Variants in CLEC14A observed in about 807,000 individuals in gnomAD.
CLEC14A encodes C-type lectin domain family 14 member A.
For synonymous variants in CLEC14A, 349 were observed against 292.0 expected, an observed-to-expected ratio of 1.20 and a Z score of -1.99; for missense variants, 682 against 659.9, an observed-to-expected ratio of 1.03 and a Z score of -0.37.
At position 38,255,024 on chromosome 14, in the gene CLEC14A, G is replaced by A. The variant is rs375930905; in HGVS notation, c.999C>T (p.Val333=). ...VDEKLGETPL[V]PEQDNSVTSI... is the part of the protein sequence containing the mutation. ...ATGTTACTGAATTGTCTTGTTCAGG[G>A]ACAAGTGGTGTCTCTCCCAGCTTCT... The change falls in exon 1 of 1, where the codon GTC becomes GTT. Residue 333 remains valine, a synonymous_variant. Coordinates refer to ENST00000342213, the MANE Select transcript of CLEC14A (RefSeq NM_175060.3). The surrounding 1 kb of genome is among the most constrained non-coding windows in gnomAD (Gnocchi z 5.1). 9 of 1,613,692 alleles carry A rather than the reference G, an allele frequency of 5.6e-6. No homozygotes were observed. In the African/African-American group the frequency reaches 1.2e-4, roughly 22 times the overall value.
chr14:38,256,087 T>C lies in CLEC14A; in HGVS notation c.-65A>G, dbSNP rs1216250771. On this transcript the variant is annotated 5_prime_UTR_variant, in exon 1 of 1. Transcript: ENST00000342213. ...TCTGTCCCGCTCGAGGACGCAGAGCTGTGTCTGGAGCGCGGTCACCGCCCT... is the reference window on the plus strand; with the variant it reads ...TCTGTCCCGCTCGAGGACGCAGAGCCGTGTCTGGAGCGCGGTCACCGCCCT... 8 of 1,415,452 alleles carry C rather than the reference T, an allele frequency of 5.7e-6. No homozygotes were observed. The Admixed American group carries it at 2.4e-4, about 43-fold the overall frequency. The allele number at this position is 1,415,452 out of a possible 1,614,324, so 87.7% of individuals were successfully genotyped here. A position where few individuals can be genotyped will look rare whatever the true frequency, so the allele number is the denominator to read the frequency against.
chr14:38,255,659 C>G lies in CLEC14A; in HGVS notation c.364G>C (p.Gly122Arg). 1 of 1,603,260 alleles carries G rather than the reference C, an allele frequency of 6.2e-7. No homozygotes were observed. The highest frequency in any genetic ancestry group is 1.3e-5 in the African/African-American group (1 of 74,950). The change falls in exon 1 of 1, where the codon GGT (glycine) becomes CGT (arginine). Residue 122 changes from glycine to arginine, a missense_variant. Gly to Arg is a moderately radical substitution (Grantham distance 125). Transcript: ENST00000342213. This position sits in a 1 kb window ranked among gnomAD's most constrained non-coding sequence, Gnocchi z 5.1. ...CACTGCAGCGTGTCGCTTTCGAGAC[C>G]GCCGGGGTCGGAGGACAGCCAGGAG... is the stretch of plus-strand genomic sequence containing the variant. ...GFSWLSSDPG[G>R]LESDTLQWVE...
In CLEC14A at chr14:38,254,713, G is replaced by C; in HGVS notation, c.1310C>G (p.Ser437Cys). 1 of 1,614,164 alleles carries C rather than the reference G, an allele frequency of 6.2e-7. No homozygotes were observed. The stretch of plus-strand genomic sequence containing the variant: ...ACTCTCCAGGCCCGGCGGGCCCATA[G>C]ACTCCTTCCTTGGCTGGGAAGAGGG... The part of the protein sequence containing the change: ...ESPSSQPRKE[S>C]MGPPGLESDP... Residue 437 changes from serine (S) to cysteine (C), a missense_variant, in exon 1 of 1, where the codon TCT becomes TGT. Transcript: ENST00000342213.
chr14:38,254,622 C>T lies in CLEC14A; in HGVS notation c.1401G>A (p.Gly467=). 1 of 1,614,102 alleles carries T rather than the reference C, an allele frequency of 6.2e-7. No individual in the cohort carries two copies. Among genetic ancestry groups the T allele is most frequent in the Non-Finnish European group, 8.5e-7 (1 of 1,179,980 alleles). ...CTGCTCTGTCCCGCAGATCACAGTC[C>T]CCGACTTTCACCCCATTGTTTGTGC... ...AHCTNNGVKV[G]DCDLRDRAEG... Residue 467 remains glycine (G), a synonymous_variant, in exon 1 of 1, where the codon GGG becomes GGA. Coordinates refer to ENST00000342213, the MANE Select transcript of CLEC14A (RefSeq NM_175060.3).
chr14:38,255,798 C>A lies in CLEC14A; in HGVS notation c.225G>T (p.Ala75=). 1.3e-6 allele frequency: 2 copies of A among 1,541,076 alleles called. No individual in the cohort carries two copies. Among genetic ancestry groups the A allele is most frequent in the Non-Finnish European group, 1.7e-6 (2 of 1,147,956 alleles). Residue 75 remains alanine (A), a synonymous_variant, in exon 1 of 1, where the codon GCG becomes GCT. Coordinates refer to ENST00000342213, the MANE Select transcript of CLEC14A (RefSeq NM_175060.3). The surrounding 1 kb of genome is among the most constrained non-coding windows in gnomAD (Gnocchi z 5.1). ...CGGGCCCTGGGCCTGCCCGCAGGAG[C>A]GCGAGCACAGCGCGCAGCTCGGCGC... ...RAGAELRAVL[A]LLRAGPGPGG...
chr14:38,255,392 C>G lies in CLEC14A; in HGVS notation c.631G>C (p.Glu211Gln). ...TGTCCCCGGCAGAGCGCACTCACCT[C>G]GGTCCCAGGTGGACTGAAGTCCAGA... Reference protein sequence around the residue: ...AALDFSPPGTEVSALCRGQLP... With the variant: ...AALDFSPPGTQVSALCRGQLP... The change falls in exon 1 of 1, where the codon GAG becomes CAG. Residue 211 changes from glutamate (E) to glutamine (Q), a missense_variant. Physicochemically the swap from Glu to Gln is conservative, Grantham distance 29. Coordinates refer to ENST00000342213, the MANE Select transcript of CLEC14A (RefSeq NM_175060.3). The surrounding 1 kb of genome is among the most constrained non-coding windows in gnomAD (Gnocchi z 5.1). 1 of 1,613,458 alleles carries G rather than the reference C, an allele frequency of 6.2e-7. No individual in the cohort carries two copies. The highest frequency in any genetic ancestry group is 8.5e-7 in the Non-Finnish European group (1 of 1,180,022).
At position 38,255,792 on chromosome 14, in the gene CLEC14A, C is replaced by G. The variant is rs745372944; in HGVS notation, c.231G>C (p.Leu77=). 22 of 1,541,840 alleles carry G rather than the reference C, an allele frequency of 1.4e-5. No homozygotes were observed. The African/African-American group carries it at 2.9e-4, about 20-fold the overall frequency. The change falls in exon 1 of 1, where the codon CTG becomes CTC. Residue 77 remains leucine (L), a synonymous_variant. Transcript: ENST00000342213. The surrounding 1 kb of genome is among the most constrained non-coding windows in gnomAD (Gnocchi z 5.1). ...GAELRAVLAL[L]RAGPGPGGGS... ...CCCCTCCGGGCCCTGGGCCTGCCCGCAGGAGCGCGAGCACAGCGCGCAGCT... is the reference window on the plus strand; with the variant it reads ...CCCCTCCGGGCCCTGGGCCTGCCCGGAGGAGCGCGAGCACAGCGCGCAGCT...
Position 38,254,919 on chromosome 14 carries a change from G to A in CLEC14A, c.1104C>T (p.Ala368=). The A allele has an allele frequency of 1.1e-5, 17 of 1,614,210 alleles. No homozygotes were observed. Among genetic ancestry groups the A allele is most frequent in the Non-Finnish European group, 1.4e-5 (17 of 1,180,030 alleles). ...TCACGCTCCCTGATGGGGTGATAGT[G>A]GCCTTTGACTCGGCTTGAAGGGACA... is the stretch of plus-strand genomic sequence containing the variant. ...LQMSLQAESK[A]TITPSGSVIS... is the part of the protein sequence containing the mutation. The change falls in exon 1 of 1, where the codon GCC becomes GCT. Residue 368 remains alanine (A), a synonymous_variant. Coordinates refer to ENST00000342213, the MANE Select transcript of CLEC14A (RefSeq NM_175060.3).
chr14:38,255,669 G>A lies in CLEC14A; in HGVS notation c.354C>T (p.Ser118=). ...TGTCGCTTTCGAGACCGCCGGGGTC[G>A]GAGGACAGCCAGGAGAAACCCCGCA... ...EPLRGFSWLS[S]DPGGLESDTL... Residue 118 remains serine (S), a synonymous_variant, in exon 1 of 1, where the codon TCC becomes TCT. Transcript: ENST00000342213. This position sits in a 1 kb window ranked among gnomAD's most constrained non-coding sequence, Gnocchi z 5.1. 6.3e-7 allele frequency: 1 copy of A among 1,599,666 alleles called. No homozygotes were observed. The highest frequency in any genetic ancestry group is 2.3e-5 in the East Asian group (1 of 44,436).
chr14:38,255,210 G>T lies in CLEC14A; in HGVS notation c.813C>A (p.Cys271Ter), dbSNP rs777412085. The T allele has an allele frequency of 3.7e-6, 6 of 1,613,866 alleles. No homozygotes were observed. The South Asian group carries it at 6.6e-5, about 18-fold the overall frequency. ...NCLDDLGGFA[C>*]ECATGFELGK... is the part of the protein sequence containing the mutation. ...CCAGCTCGAAGCCCGTAGCACATTC[G>T]CAGGCAAAGCCTCCCAAGTCGTCTA... Residue 271 changes from cysteine to a stop codon, truncating the protein, a stop_gained, in exon 1 of 1, where the codon TGC becomes TGA. Transcript: ENST00000342213. LOFTEE classifies it low-confidence loss of function (END_TRUNC). The surrounding 1 kb of genome is among the most constrained non-coding windows in gnomAD (Gnocchi z 5.1).
chr14:38,255,929 A>G lies in CLEC14A; in HGVS notation c.94T>C (p.Ser32Pro). 6.4e-7 allele frequency: 1 copy of G among 1,565,354 alleles called. No homozygotes were observed. The highest frequency in any genetic ancestry group is 8.6e-7 in the Non-Finnish European group (1 of 1,159,990). The change falls in exon 1 of 1, where the codon TCG becomes CCG. Residue 32 changes from serine (S) to proline (P), a missense_variant. Transcript: ENST00000342213. The surrounding 1 kb of genome is among the most constrained non-coding windows in gnomAD (Gnocchi z 5.1). ...AGGCTGTAGCAGGCCCCCGAGGCCG[A>G]GCAGCCAGCACGGTCGGCAGTGGGG... ...EHPTADRAGCSASGACYSLHH... is the reference protein window; with the variant it reads ...EHPTADRAGCPASGACYSLHH...
Position 38,256,045 on chromosome 14 carries a change from G to A in CLEC14A, c.-23C>T. The stretch of plus-strand genomic sequence containing the variant: ...CATTCTCTGAGGCCCCGCACGCAGA[G>A]CTGCTCCCAACTTGGATCTGTCCCG... On this transcript the variant is annotated 5_prime_UTR_variant, in exon 1 of 1. Coordinates refer to ENST00000342213, the MANE Select transcript of CLEC14A (RefSeq NM_175060.3). 1 of 1,497,636 alleles carries A rather than the reference G, an allele frequency of 6.7e-7. No homozygotes were observed. The highest frequency in any genetic ancestry group is 1.4e-5 in the African/African-American group (1 of 69,378). The allele number at this position is 1,497,636 out of a possible 1,614,324, so 92.8% of individuals were successfully genotyped here.
At position 38,255,916 on chromosome 14, in the gene CLEC14A, G is replaced by A; in HGVS notation, c.107C>T (p.Ala36Val). Reference protein sequence around the residue: ...ADRAGCSASGACYSLHHATMK... With the variant: ...ADRAGCSASGVCYSLHHATMK... ...GGTAGCGTGGTGCAGGCTGTAGCAG[G>A]CCCCCGAGGCCGAGCAGCCAGCACG... The change falls in exon 1 of 1, where the codon GCC (alanine) becomes GTC (valine). Residue 36 changes from alanine (A) to valine (V), a missense_variant. Transcript: ENST00000342213. This position sits in a 1 kb window ranked among gnomAD's most constrained non-coding sequence, Gnocchi z 5.1. 6.4e-7 allele frequency: 1 copy of A among 1,565,908 alleles called. No individual in the cohort carries two copies. Among genetic ancestry groups the A allele is most frequent in the Non-Finnish European group, 8.6e-7 (1 of 1,161,704 alleles).
chr14:38,255,559 G>A lies in CLEC14A; in HGVS notation c.464C>T (p.Ala155Val). The A allele has an allele frequency of 6.2e-7, 1 of 1,613,172 alleles. No individual in the cohort carries two copies. Among genetic ancestry groups the A allele is most frequent in the South Asian group, 1.1e-5 (1 of 91,082 alleles). The change falls in exon 1 of 1, where the codon GCA becomes GTA. Residue 155 changes from alanine to valine, a missense_variant. Ala to Val is a moderately conservative substitution (Grantham distance 64). Transcript: ENST00000342213. This position sits in a 1 kb window ranked among gnomAD's most constrained non-coding sequence, Gnocchi z 5.1. ...GTGGCATCGCATCTCCTTCCAGCCTGCGGGCTCGACCCCACCGGTGGCCTG... is the reference window on the plus strand; with the variant it reads ...GTGGCATCGCATCTCCTTCCAGCCTACGGGCTCGACCCCACCGGTGGCCTG... ...VLQATGGVEP[A>V]GWKEMRCHLR...
rs1276812864 is a variant in CLEC14A at position 38,255,471 on chromosome 14, G to A, written c.552C>T (p.Pro184=). 1 of 1,612,992 alleles carries A rather than the reference G, an allele frequency of 6.2e-7. No individual in the cohort carries two copies. Among genetic ancestry groups the A allele is most frequent in the Non-Finnish European group, 8.5e-7 (1 of 1,180,002 alleles). The change falls in exon 1 of 1, where the codon CCC becomes CCT. Residue 184 remains proline (P), a synonymous_variant. Coordinates refer to ENST00000342213, the MANE Select transcript of CLEC14A (RefSeq NM_175060.3). This position sits in a 1 kb window ranked among gnomAD's most constrained non-coding sequence, Gnocchi z 5.1. The stretch of plus-strand genomic sequence containing the variant: ...GATAGCTCAAGTTAGAGGCGGCCCC[G>A]GGGCGCGGCGCAGGACACAAGACCT... ...QFEVLCPAPR[P]GAASNLSYRA...
At position 38,254,934 on chromosome 14, in the gene CLEC14A, T is replaced by C. The variant is rs767574364; in HGVS notation, c.1089A>G (p.Gln363=). 4.3e-6 allele frequency: 7 copies of C among 1,614,086 alleles called. No individual in the cohort carries two copies. Among genetic ancestry groups the C allele is most frequent in the Admixed American group, 1.7e-5 (1 of 60,012 alleles). The change falls in exon 1 of 1, where the codon CAA becomes CAG. Residue 363 remains glutamine (Q), a synonymous_variant. Transcript: ENST00000342213. The part of the protein sequence containing the change: ...STMSTLQMSL[Q]AESKATITPS... ...GGGTGATAGTGGCCTTTGACTCGGC[T>C]TGAAGGGACATTTGAAGGGTAGACA...
rs1050433279 is a variant in CLEC14A at position 38,254,209 on chromosome 14, G to C, written c.*341C>G. On this transcript the variant is annotated 3_prime_UTR_variant, in exon 1 of 1. Coordinates refer to ENST00000342213, the MANE Select transcript of CLEC14A (RefSeq NM_175060.3). ...ACATAGAACATTTCCTTTCCATTTT[G>C]GTAGAAATTATTTTTTAATGTAAAT... 5.5e-6 allele frequency: 1 copy of C among 181,286 alleles called. No individual in the cohort carries two copies. The highest frequency in any genetic ancestry group is 1.1e-5 in the Non-Finnish European group (1 of 88,018). The allele number at this position is 181,286 out of a possible 1,614,324, so 11.2% of individuals were successfully genotyped here.
Position 38,255,231 on chromosome 14 carries a change from GTC to G in CLEC14A, c.790_791del (p.Asp264ArgfsTer71). 1 of 1,613,878 alleles carries G rather than the reference GTC, an allele frequency of 6.2e-7. No homozygotes were observed. The highest frequency in any genetic ancestry group is 8.5e-7 in the Non-Finnish European group (1 of 1,180,040). On this transcript the variant is annotated frameshift_variant, in exon 1 of 1. Transcript: ENST00000342213. LOFTEE classifies it low-confidence loss of function (END_TRUNC). The surrounding 1 kb of genome is among the most constrained non-coding windows in gnomAD (Gnocchi z 5.1). Reference sequence around the variant, plus strand: ...ATTCGCAGGCAAAGCCTCCCAAGTCGTCTAGGCAGTTAGGGAGCTCTGCGCAT... The same window carrying G: ...ATTCGCAGGCAAAGCCTCCCAAGTCGTAGGCAGTTAGGGAGCTCTGCGCAT... ...GKCAELPNCL[D>X]DLGGFACECA... is the part of the protein sequence containing the mutation.
In CLEC14A at chr14:38,254,595, C is replaced by T. The variant is rs1215234515; in HGVS notation, c.1428G>A (p.Glu476=). ...VGDCDLRDRA[E]GALLAESPLG... ...GAGGGGACTCCGCCAGCAAGGCACCCTCTGCTCTGTCCCGCAGATCACAGT... is the reference window on the plus strand; with the variant it reads ...GAGGGGACTCCGCCAGCAAGGCACCTTCTGCTCTGTCCCGCAGATCACAGT... The change falls in exon 1 of 1, where the codon GAG becomes GAA. Residue 476 remains glutamate, a synonymous_variant. Transcript: ENST00000342213. The T allele has an allele frequency of 1.9e-6, 3 of 1,611,488 alleles. No individual in the cohort carries two copies. The highest frequency in any genetic ancestry group is 1.3e-5 in the African/African-American group (1 of 74,884).
Sources: allele counts gnomAD v4.1 joint callset, GRCh38; gene constraint gnomAD v4.1.1; non-coding constraint Gnocchi (gnomAD v3.1); transcripts MANE v1.5; gene names NCBI Gene and HGNC (gene_info 2026-07-23, HGNC 2026-07-21).